Variants in POU2F1 observed in about 807,000 individuals in gnomAD.
The protein encoded by POU2F1 is POU domain, class 2, transcription factor 1.
A neutral mutation model predicts 84.9 loss-of-function variants in POU2F1; 16 were observed. The observed-to-expected ratio is 0.19, with a 90% CI of 0.13 to 0.29. POU2F1 has a LOEUF of 0.29. POU2F1 is among the 10% of genes least tolerant of loss of function. The pLI, the probability that POU2F1 is intolerant of heterozygous loss-of-function variation, is 1.00. For synonymous variants in POU2F1, 368 were observed against 368.3 expected (o/e 1.00, Z 0.01); for missense variants, 738 against 942.6 (o/e 0.78, Z 2.84).
chr1:167,386,086 A>C (rs1336662006), intron 8 of POU2F1, among the ~76,000 whole-genome samples: 1 of 152,250 alleles, frequency 6.6e-6, no homozygotes, highest in African/African-American at 2.4e-5. Flanking sequence ...AAAGGCTATG[A>C]CAAAACCAAG....
At chr1:167,368,988 G>T (rs916509067) in intron 3 of POU2F1, among the ~76,000 whole-genome samples, 9 of 152,044 alleles carry the variant, frequency 5.9e-5, no homozygotes, top group Non-Finnish European at 1.0e-4. Context: ...TCTAAATCCA[G>T]TCAGGATCCT....
Position 167,221,192 on chromosome 1 carries a change from C to T in POU2F1, c.61+234C>T, listed in dbSNP as rs921339682. 4.0e-5 allele frequency among the ~76,000 whole-genome samples: 6 copies of T among 151,636 alleles called. No individual in the cohort carries two copies. In the South Asian group the frequency reaches 8.3e-4, roughly 21 times the overall value. ...GGGCAAAGGGGGCTGCGATCCACTGCCCTCCTCCTGCACCCGGCCCACCCC... is the reference window on the plus strand; with the variant it reads ...GGGCAAAGGGGGCTGCGATCCACTGTCCTCCTCCTGCACCCGGCCCACCCC... On this transcript the variant is annotated intron_variant, in intron 1 of 15. Transcript: ENST00000367866.
At chr1:167,231,922 T>C (rs988027160) in intron 1 of POU2F1, among the ~76,000 whole-genome samples, 4 of 152,162 alleles carry the variant, frequency 2.6e-5, no homozygotes, top group Non-Finnish European at 5.9e-5. Context: ...TATGCAGACA[T>C]CTCAGACATC....
chr1:167,288,850 G>A (rs891963135), intron 1 of POU2F1, among the ~76,000 whole-genome samples: 1 of 152,132 alleles, frequency 6.6e-6, no homozygotes. Context: ...AATGTTCTCA[G>A]ATTTCACAAT....
At chr1:167,359,206 A>G (rs549940728) in intron 2 of POU2F1, among the ~76,000 whole-genome samples, 2 of 150,502 alleles carry the variant, frequency 1.3e-5, no homozygotes, top group South Asian at 4.2e-4. Context: ...AAAAAAAACT[A>G]TTTTTGTTTT....
rs967173758 is a variant in POU2F1, at chr1:167,242,158, A to G, written c.61+21200A>G. ...GTGCTGCTTGTTCATTTACACTTTT[A>G]TTAAGTAATTGTGAACATTAATTAT... On this transcript the variant is annotated intron_variant, in intron 1 of 15. Transcript: ENST00000367866. Among the ~76,000 whole-genome samples the G allele has an allele frequency of 3.3e-5, 5 of 152,168 alleles. No homozygotes were observed. The East Asian group carries it at 9.6e-4, about 29-fold the overall frequency.
At chr1:167,391,763 G>A (rs1648429100) in intron 9 of POU2F1, among the ~76,000 whole-genome samples, 1 of 150,812 alleles carries the variant, frequency 6.6e-6, no homozygotes, top group Non-Finnish European at 1.5e-5. Context: ...TTGTCATGTT[G>A]CCCAAGCTGG....
chr1:167,320,007 A>G (rs1346081324), intron 1 of POU2F1, among the ~76,000 whole-genome samples: 1 of 152,216 alleles, frequency 6.6e-6, no homozygotes, highest in African/African-American at 2.4e-5. Flanking sequence ...GCAACTAGGC[A>G]ATCAGCCATT....
At chr1:167,358,130 T>C (rs1300304473) in intron 2 of POU2F1, among the ~76,000 whole-genome samples, 1 of 143,412 alleles carries the variant, frequency 7.0e-6, no homozygotes, top group Non-Finnish European at 1.5e-5. Context: ...TTCTTTTTTT[T>C]TTTTTTTTTT....
At position 167,411,977 on chromosome 1, in the gene POU2F1, C is replaced by G; in HGVS notation, c.1574C>G (p.Ser525Cys). The G allele has an allele frequency of 1.2e-6, 2 of 1,613,140 alleles. No individual in the cohort carries two copies. ...LSVTGTSDTT[S>C]NNTATVISTA... Reference sequence around the variant, plus strand: ...TTTTCAGGCACTTCAGACACCACCTCCAACAACACAGCAACCGTGATTTCC... The same window carrying G: ...TTTTCAGGCACTTCAGACACCACCTGCAACAACACAGCAACCGTGATTTCC... Residue 525 changes from serine (S) to cysteine (C), a missense_variant, in exon 14 of 16, where the codon TCC becomes TGC. Physicochemically the swap from Ser to Cys is moderately radical, Grantham distance 112 (BLOSUM62 -1). Around this residue, in one of 4 missense-constraint regions of POU2F1, gnomAD observed 319 missense variants for 386.0 expected, o/e 0.83. Coordinates refer to ENST00000367866, the MANE Select transcript of POU2F1 (RefSeq NM_002697.4).
chr1:167,256,222 A>G (rs1458167723), intron 1 of POU2F1, among the ~76,000 whole-genome samples: 1 of 152,192 alleles, frequency 6.6e-6, no homozygotes, highest in East Asian at 1.9e-4. Context: ...AGAAAATACA[A>G]AGAGAGGCAA....
At chr1:167,397,869 T>C in intron 10 of POU2F1, 125 bp from the exon 11 acceptor site, 1 of 996,218 alleles carries the variant, frequency 1.0e-6, no homozygotes. Context: ...TAATGTAGGT[T>C]ATGTGAAAAC....
intron 9 of POU2F1, among the ~76,000 whole-genome samples, chr1:167,390,967 T>A (rs1365505461): frequency 6.6e-6 from 1 of 152,166 alleles, no homozygotes; most frequent in Non-Finnish European, 1.5e-5. Flanking sequence ...TCCAAATTAA[T>A]TTCCTGGAAT....
At chr1:167,359,791 C>G (rs371457123) in intron 2 of POU2F1, among the ~76,000 whole-genome samples, 14 of 149,638 alleles carry the variant, frequency 9.4e-5, no homozygotes, top group Admixed American at 5.3e-4. Flanking sequence ...AATTTGCATT[C>G]CTACCAACAG....
At chr1:167,396,593 A>G in intron 10 of POU2F1, 166 bp downstream of exon 10, 1 of 678,338 alleles carries the variant, frequency 1.5e-6, no homozygotes, top group Non-Finnish European at 2.4e-6. Context: ...TAAATCAGAA[A>G]GCTGATTCAT....
At position 167,261,199 on chromosome 1, in the gene POU2F1, C is replaced by T. The variant is rs541094672; in HGVS notation, c.61+40241C>T. Among the ~76,000 whole-genome samples the T allele has an allele frequency of 4.6e-5, 7 of 152,124 alleles. No homozygotes were observed. In the South Asian group the frequency reaches 8.3e-4, roughly 18 times the overall value. ...TAATTGTTAAAATGAGTCAAGCAAG[C>T]GCTATAAGGACTAGTTACAGTTTAT... On this transcript the variant is annotated intron_variant, in intron 1 of 15. Coordinates refer to ENST00000367866, the MANE Select transcript of POU2F1 (RefSeq NM_002697.4).
intron 2 of POU2F1, among the ~76,000 whole-genome samples, chr1:167,345,668 C>T (rs1658141946): frequency 6.6e-6 from 1 of 152,090 alleles, no homozygotes. Context: ...AGAGGCAGAA[C>T]AGAGATGGAG....
At chr1:167,251,982 T>C (rs924499797) in intron 1 of POU2F1, among the ~76,000 whole-genome samples, 1 of 151,166 alleles carries the variant, frequency 6.6e-6, no homozygotes, top group Non-Finnish European at 1.5e-5. Flanking sequence ...GTAGCTGGGA[T>C]TACAGGTGCA....
At chr1:167,370,090 A>T in intron 3 of POU2F1, 71 bp from the exon 4 acceptor site, 1 of 1,321,382 alleles carries the variant, frequency 7.6e-7, no homozygotes, top group Non-Finnish European at 1.1e-6. Context: ...AGTAGACTTT[A>T]TTTAGTGATG....
Sources: allele counts gnomAD v4.1 joint callset (sites outside exome capture counted in the v4.1 genomes callset), GRCh38; gene constraint gnomAD v4.1.1; regional missense constraint gnomAD v4.1.1; transcripts MANE v1.5; gene names NCBI Gene and HGNC (gene_info 2026-07-23, HGNC 2026-07-21).